LRRC27: variants seen among roughly 807,000 people sequenced by gnomAD.
LRRC27 encodes the protein leucine rich repeat containing 27, also known as leucine-rich repeat-containing protein 27.
LRRC27 carries 57 observed loss-of-function variants against 55.0 expected under a neutral mutation model. That is an observed-to-expected ratio of 1.04 (90% CI 0.84 to 1.29). The LOEUF (loss-of-function observed/expected upper bound fraction) is 1.29. Among genes scored for constraint, LRRC27 ranks in the 50% most tolerant of loss-of-function variants. The pLI is 0.00. For missense variants in LRRC27, 721 were observed against 651.5 expected (o/e 1.11, Z -1.16); for synonymous variants, 278 against 251.9 (o/e 1.10, Z -0.98).
chr10:132,339,534 T>C (rs535044671), intron 3 of LRRC27, among the ~76,000 whole-genome samples: 68 of 152,294 alleles, frequency 4.5e-4, no homozygotes, highest in African/African-American at 1.6e-3. Context: ...GCTCAGCTGG[T>C]ACATCTGCCG....
chr10:132,373,829 G>A (rs558094822), intron 10 of LRRC27, among the ~76,000 whole-genome samples: 2 of 152,328 alleles, frequency 1.3e-5, no homozygotes, highest in Admixed American at 1.3e-4. Flanking sequence ...GGAGGAGGAT[G>A]TCGAGAGAGG....
At chr10:132,342,697 ACAAAT>A (rs2067474964) in intron 4 of LRRC27, among the ~76,000 whole-genome samples, 1 of 152,368 alleles carries the variant, frequency 6.6e-6, no homozygotes. Flanking sequence ...AAACTGACAG[ACAAAT>A]CAAACAAGCG....
At chr10:132,361,603 C>T (rs2068617567) in intron 9 of LRRC27, 28 bp downstream of exon 9, 2 of 1,525,600 alleles carry the variant, frequency 1.3e-6, no homozygotes, top group Middle Eastern at 1.7e-4. Context: ...GCACTCAGTC[C>T]TTCCAGGGCT....
chr10:132,353,496 G>C, intron 7 of LRRC27: 1 of 825,634 alleles, frequency 1.2e-6, no homozygotes, highest in Non-Finnish European at 1.5e-6. Flanking sequence ...CCAATGTCCA[G>C]AGAGACATTG....
At chr10:132,331,355 GACCACGCGAGC>G, upstream of LRRC27, 3 of 1,424,744 alleles carry the variant, frequency 2.1e-6, no homozygotes, top group Non-Finnish European at 1.9e-6. Context: ...GGTTCCACAG[GACCACGCGAGC>G]ACCTCCCCTC....
intron 10 of LRRC27, among the ~76,000 whole-genome samples, chr10:132,369,139 G>A (rs1043791840): frequency 6.6e-6 from 1 of 152,180 alleles, no homozygotes; most frequent in Non-Finnish European, 1.5e-5. Flanking sequence ...TGGTGAGGAC[G>A]TGGAGCAACA....
intron 2 of LRRC27, among the ~76,000 whole-genome samples, chr10:132,334,276 C>A (rs2067009639): frequency 6.6e-6 from 1 of 152,226 alleles, no homozygotes; most frequent in African/African-American, 2.4e-5. Context: ...CTGGGACTCA[C>A]AGAATTTCCT....
chr10:132,355,014 G>A (rs1298366948), intron 7 of LRRC27, among the ~76,000 whole-genome samples: 2 of 152,246 alleles, frequency 1.3e-5, no homozygotes, highest in Admixed American at 6.5e-5. Flanking sequence ...GCGGCGAGCT[G>A]TGAGGAGGGA....
chr10:132,376,128 A>G lies in LRRC27; in HGVS notation c.*886A>G, dbSNP rs2069334612. ...AATGTATCAGCATAAAGTTCCTCTT[A>G]TTTTCAGTATCTTTAGGATCCGTAA... On this transcript the variant is annotated 3_prime_UTR_variant, in exon 11 of 11. Coordinates refer to ENST00000368614, the MANE Select transcript of LRRC27 (RefSeq NM_030626.3). 6.6e-6 allele frequency: 1 copy of G among 152,110 alleles called. No individual in the cohort carries two copies. 9.4% of individuals were successfully genotyped at this position (152,110 alleles called of 1,614,324 possible).
rs563250257 is a variant in LRRC27 at position 132,371,366 on chromosome 10, G to A, written c.1417-3700G>A. ...ACCAGGGTGGACGGGTCAGGGCAGAGAGAGAAGAAAGCCCAGAGGTATGAA... is the reference window on the plus strand; with the variant it reads ...ACCAGGGTGGACGGGTCAGGGCAGAAAGAGAAGAAAGCCCAGAGGTATGAA... On this transcript the variant is annotated intron_variant, in intron 10 of 10. Transcript: ENST00000368614. 1.8e-4 allele frequency among the ~76,000 whole-genome samples: 27 copies of A among 152,358 alleles called. No individual in the cohort carries two copies. The South Asian group carries it at 4.3e-3, about 25-fold the overall frequency.
intron 7 of LRRC27, chr10:132,353,218 G>T (rs1342589352): frequency 5.2e-6 from 7 of 1,346,432 alleles, no homozygotes; most frequent in Non-Finnish European, 6.7e-6. Context: ...CGGCTTCTTT[G>T]TGAGCTGCCT....
At chr10:132,345,039 G>T (rs973444421) in intron 5 of LRRC27, among the ~76,000 whole-genome samples, 8 of 152,300 alleles carry the variant, frequency 5.3e-5, no homozygotes, top group Admixed American at 3.9e-4. Flanking sequence ...CAAGAAATTA[G>T]CAGGAAAATG....
intron 7 of LRRC27, among the ~76,000 whole-genome samples, chr10:132,355,458 C>T (rs994755354): frequency 2.6e-5 from 4 of 152,234 alleles, no homozygotes; most frequent in East Asian, 1.9e-4. Flanking sequence ...CGTCGTGCAG[C>T]GCCTGTGGTG....
At chr10:132,362,637 TCGGGGG>T (rs1322712808) in intron 9 of LRRC27, among the ~76,000 whole-genome samples, 9 of 141,704 alleles carry the variant, frequency 6.4e-5, no homozygotes, top group Non-Finnish European at 9.2e-5. Context: ...TCACAGCAGC[TCGGGGG>T]TCCAGGGCTC....
chr10:132,372,310 C>A lies in LRRC27; in HGVS notation c.1417-2756C>A, dbSNP rs1448654080. Among the ~76,000 whole-genome samples the A allele has an allele frequency of 1.3e-5, 2 of 152,314 alleles. No homozygotes were observed. Among genetic ancestry groups the A allele is most frequent in the African/African-American group, 2.4e-5 (1 of 41,576 alleles). ...GTCGGGGTGCGGTGACTCACGCCTG[C>A]AATCCCAGCACTTTGGGAGGCCAAG... On this transcript the variant is annotated intron_variant, in intron 10 of 10. Transcript: ENST00000368614. This position sits in a 1 kb window ranked among gnomAD's most constrained non-coding sequence, Gnocchi z 4.0.
At chr10:132,364,429 G>GCACTTACACCCACC (rs2068851164) in intron 9 of LRRC27, among the ~76,000 whole-genome samples, 1 of 7,072 alleles carries the variant, frequency 1.4e-4, no homozygotes, top group Non-Finnish European at 4.0e-4. Flanking sequence ...TTACACCCAC[G>GCACTTACACCCACC]CTTACATCTA....
chr10:132,364,167 C>G (rs2068789117), intron 9 of LRRC27, among the ~76,000 whole-genome samples: 1 of 152,004 alleles, frequency 6.6e-6, no homozygotes, highest in Non-Finnish European at 1.5e-5. Context: ...CAGAGGACAT[C>G]ATGCTTTCTT....
chr10:132,330,474 G>A (rs1308440326), upstream of LRRC27: 1 of 717,090 alleles, frequency 1.4e-6, no homozygotes, highest in Non-Finnish European at 2.6e-6. Flanking sequence ...TACTGGTTGT[G>A]CTTTCAGCTT....
chr10:132,354,303 C>G, intron 7 of LRRC27, among the ~76,000 whole-genome samples: 1 of 152,180 alleles, frequency 6.6e-6, no homozygotes, highest in Non-Finnish European at 1.5e-5. Context: ...GTGAGCAGCT[C>G]GGCAGGCCTA....
Sources: gnomAD v4.1 joint callset for allele counts (sites outside exome capture counted in the v4.1 genomes callset) on GRCh38, gnomAD v4.1.1 for gene constraint, Gnocchi (gnomAD v3.1) non-coding constraint, MANE v1.5 for transcripts, NCBI Gene and HGNC (gene_info 2026-07-23, HGNC 2026-07-21) for gene names.